The following PRKN variants were observed in gnomAD, a reference collection of about 807,000 sequenced individuals.
PRKN encodes the protein parkin RBR E3 ubiquitin protein ligase.
PRKN carries 56 observed loss-of-function variants against 59.5 expected under a neutral mutation model. The observed-to-expected ratio is 0.94, with a 90% CI of 0.76 to 1.18. The LOEUF (loss-of-function observed/expected upper bound fraction) is 1.18. Ranked by LOEUF, PRKN falls within the 50% of genes most tolerant of loss-of-function variation. The pLI is 0.00. For missense variants in PRKN, 657 were observed against 596.4 expected, an observed-to-expected ratio of 1.10 and a Z score of -1.06; for synonymous variants, 250 against 222.1, an observed-to-expected ratio of 1.13 and a Z score of -1.12.
chr6:162,021,459 ATATTTT>A (rs1165968521), intron 5 of PRKN, among the ~76,000 whole-genome samples: 5,940 of 33,694 alleles, frequency 0.18, 152 homozygotes, highest in Middle Eastern at 0.35. Context: ...ATATATATAT[ATATTTT>A]TTTTTTTTTT....
At chr6:162,659,876 G>A (rs956640811) in intron 1 of PRKN, among the ~76,000 whole-genome samples, 2 of 152,092 alleles carry the variant, frequency 1.3e-5, no homozygotes, top group African/African-American at 4.8e-5. Flanking sequence ...CATTGCTACT[G>A]CTTGGACAGA....
rs1280245168 is a variant in PRKN at position 161,503,543 on chromosome 6, A to G, written c.1083+45311T>C. On this transcript the variant is annotated intron_variant, in intron 9 of 11. Transcript: ENST00000366898. This position sits in a 1 kb window ranked among gnomAD's most constrained non-coding sequence, Gnocchi z 5.1. The stretch of plus-strand genomic sequence containing the variant: ...CAACGGCCCCAGGAGGTAGATACTT[A>G]TTAATTACCCTCATTTAACAGAGGT... Among the ~76,000 whole-genome samples, 1 of 152,128 alleles carries G rather than the reference A, an allele frequency of 6.6e-6. No homozygotes were observed. The highest frequency in any genetic ancestry group is 1.5e-5 in the Non-Finnish European group (1 of 68,020).
At chr6:161,494,942 C>A (rs77946527) in intron 9 of PRKN, among the ~76,000 whole-genome samples, 2,840 of 152,222 alleles carry the variant, frequency 0.019, 110 homozygotes, top group African/African-American at 0.065. Context: ...CTTTCTTGCC[C>A]TCTACACCGT....
chr6:162,467,821 ACGCCGCCCACCGAGCTCC>A (rs1167709654), intron 1 of PRKN, among the ~76,000 whole-genome samples: 1 of 151,794 alleles, frequency 6.6e-6, no homozygotes, highest in Non-Finnish European at 1.5e-5. Flanking sequence ...CGCTCCCGCT[ACGCCGCCCACCGAGCTCC>A]CGCTATGCTG....
At chr6:162,414,643 G>A (rs753504369) in intron 2 of PRKN, among the ~76,000 whole-genome samples, 12 of 142,902 alleles carry the variant, frequency 8.4e-5, no homozygotes, top group East Asian at 4.3e-4. Context: ...CCCAGGAGGC[G>A]GAGGTTGCAG....
At chr6:161,948,339 G>A (rs1316415992) in intron 6 of PRKN, among the ~76,000 whole-genome samples, 1 of 152,100 alleles carries the variant, frequency 6.6e-6, no homozygotes, top group African/African-American at 2.4e-5. Context: ...CTTCCTGCTG[G>A]ACTCATTTGC....
intron 2 of PRKN, among the ~76,000 whole-genome samples, chr6:162,421,710 C>G (rs1168779966): frequency 6.6e-6 from 1 of 152,046 alleles, no homozygotes; most frequent in Non-Finnish European, 1.5e-5. Context: ...AAAACAGCAA[C>G]AGTCTACTGC....
intron 6 of PRKN, among the ~76,000 whole-genome samples, chr6:161,900,915 T>TAC (rs1433981752): frequency 7.9e-6 from 1 of 126,402 alleles, no homozygotes; most frequent in African/African-American, 3.0e-5. Flanking sequence ...TTAAATTGTA[T>TAC]ATATATATAT....
At chr6:161,571,359 C>T (rs77402413) in intron 7 of PRKN, among the ~76,000 whole-genome samples, 3,274 of 152,272 alleles carry the variant, frequency 0.022, 83 homozygotes, top group East Asian at 0.079. Context: ...GGATTGTATG[C>T]AGGACATATC....
chr6:161,392,422 T>C (rs1285179741), intron 9 of PRKN, among the ~76,000 whole-genome samples: 1 of 151,770 alleles, frequency 6.6e-6, no homozygotes, highest in Non-Finnish European at 1.5e-5. Context: ...CAAGGTCACT[T>C]TATTCCCAAT....
chr6:162,017,899 C>G (rs1004245479), intron 5 of PRKN, among the ~76,000 whole-genome samples: 1 of 151,934 alleles, frequency 6.6e-6, no homozygotes, highest in Non-Finnish European at 1.5e-5. Flanking sequence ...AAAGAAACCC[C>G]GAGAGAGCCT....
At chr6:161,382,111 C>CA (rs59174358) in intron 10 of PRKN, among the ~76,000 whole-genome samples, 2,418 of 45,764 alleles carry the variant, frequency 0.053, 88 homozygotes, top group East Asian at 0.071. Context: ...GACTCCATCT[C>CA]AAAAAAAAAA....
intron 2 of PRKN, among the ~76,000 whole-genome samples, chr6:162,317,305 C>T (rs971600492): frequency 6.6e-6 from 1 of 152,004 alleles, no homozygotes. Context: ...GAATAAGTCT[C>T]AAGAGATACG....
chr6:162,001,718 G>A (rs979466877), intron 5 of PRKN, among the ~76,000 whole-genome samples: 2 of 151,860 alleles, frequency 1.3e-5, no homozygotes, highest in Non-Finnish European at 2.9e-5. Context: ...TGACATTCTT[G>A]CATTGTTCTT....
chr6:161,386,694 G>T lies in PRKN; in HGVS notation c.1167+100C>A. ...GCTGTCAGCTACCAGTCTGCTTCTTGCTTTTTTAGAATGGAACTCTCCATG... is the reference window on the plus strand; with the variant it reads ...GCTGTCAGCTACCAGTCTGCTTCTTTCTTTTTTAGAATGGAACTCTCCATG... On this transcript the variant is annotated intron_variant, in intron 10 of 11. Transcript: ENST00000366898. This position sits in a 1 kb window ranked among gnomAD's most constrained non-coding sequence, Gnocchi z 4.3. 1 of 950,516 alleles carries T rather than the reference G, an allele frequency of 1.1e-6. No homozygotes were observed. The highest frequency in any genetic ancestry group is 1.7e-6 in the Non-Finnish European group (1 of 576,454). 58.9% of individuals were successfully genotyped at this position (950,516 alleles called of 1,614,324 possible).
intron 1 of PRKN, among the ~76,000 whole-genome samples, chr6:162,499,302 G>A (rs1281315683): frequency 6.6e-6 from 1 of 152,094 alleles, no homozygotes; most frequent in East Asian, 1.9e-4. Context: ...CTGTGCCCTG[G>A]TAAATCTTTC....
intron 7 of PRKN, among the ~76,000 whole-genome samples, chr6:161,703,863 T>C (rs1345190133): frequency 3.3e-5 from 4 of 122,706 alleles, no homozygotes; most frequent in African/African-American, 1.1e-4. Context: ...TTTTTTTTTT[T>C]TTTTTTTTTT....
At chr6:162,587,021 G>A (rs982539490) in intron 1 of PRKN, among the ~76,000 whole-genome samples, 3 of 152,118 alleles carry the variant, frequency 2.0e-5, no homozygotes, top group Non-Finnish European at 4.4e-5. Flanking sequence ...CCAGATCCAA[G>A]TGGAAGAAGG....
intron 1 of PRKN, among the ~76,000 whole-genome samples, chr6:162,472,064 C>T (rs899134511): frequency 3.9e-5 from 6 of 152,118 alleles, no homozygotes; most frequent in Non-Finnish European, 7.3e-5. Context: ...CACTGGGGAA[C>T]GCTTTGTGGA....
Sources: allele counts gnomAD v4.1 joint callset (sites outside exome capture counted in the v4.1 genomes callset), GRCh38; gene constraint gnomAD v4.1.1; non-coding constraint Gnocchi (gnomAD v3.1); transcripts MANE v1.5; gene names NCBI Gene and HGNC (gene_info 2026-07-23, HGNC 2026-07-21).